The following HDAC11 variants were observed in gnomAD, a reference collection of about 807,000 sequenced individuals.
The protein encoded by HDAC11 is histone deacetylase 11.
A neutral mutation model predicts 41.1 loss-of-function variants in HDAC11; 23 were observed. The observed-to-expected ratio is 0.56, with a 90% CI of 0.40 to 0.79. HDAC11 has a LOEUF of 0.79. Ranked by LOEUF, HDAC11 falls within the 30% of genes least tolerant of loss-of-function variation. The pLI is 0.00. For synonymous variants in HDAC11, 187 were observed against 186.6 expected (o/e 1.00, Z -0.02); for missense variants, 402 against 477.3 (o/e 0.84, Z 1.47).
At chr3:13,501,139 G>A (rs1702344956) in intron 6 of HDAC11, among the ~76,000 whole-genome samples, 1 of 152,240 alleles carries the variant, frequency 6.6e-6, no homozygotes, top group African/African-American at 2.4e-5. Flanking sequence ...TGATGGTGCT[G>A]ATAGCACCTG....
chr3:13,481,515 T>C, intron 2 of HDAC11, 121 bp downstream of exon 2: 1 of 1,108,426 alleles, frequency 9.0e-7, no homozygotes, highest in South Asian at 1.5e-5. Context: ...TCGGATGGCC[T>C]TCCACCCATG....
At chr3:13,484,711 CTCA>C (rs1416242727) in intron 3 of HDAC11, among the ~76,000 whole-genome samples, 1 of 152,160 alleles carries the variant, frequency 6.6e-6, no homozygotes, top group African/African-American at 2.4e-5. Context: ...TAATGTGGCA[CTCA>C]TTATAAGATT....
chr3:13,488,218 C>G (rs1481730362), intron 3 of HDAC11, among the ~76,000 whole-genome samples: 2 of 151,942 alleles, frequency 1.3e-5, no homozygotes, highest in African/African-American at 4.8e-5. Flanking sequence ...CTCTTCTCTT[C>G]CCTGAGGGGC....
At chr3:13,494,532 G>A (rs1702006221) in intron 3 of HDAC11, among the ~76,000 whole-genome samples, 2 of 152,122 alleles carry the variant, frequency 1.3e-5, no homozygotes, top group African/African-American at 4.8e-5. Flanking sequence ...TCCTGCAGCT[G>A]TCTGGCTGTG....
At chr3:13,483,604 A>T in intron 3 of HDAC11, 40 bp downstream of exon 3, 1 of 1,402,918 alleles carries the variant, frequency 7.1e-7, no homozygotes. Context: ...GGCCTGGGGC[A>T]GGGGGCTGCT....
intron 3 of HDAC11, among the ~76,000 whole-genome samples, chr3:13,486,576 T>G (rs1179778852): frequency 1.3e-4 from 10 of 79,814 alleles, no homozygotes; most frequent in African/African-American, 3.9e-4. Flanking sequence ...GAGGTGTTTT[T>G]TTTTTTTTTT....
chr3:13,498,562 G>A lies in HDAC11; in HGVS notation c.412+7G>A. 6.2e-7 allele frequency: 1 copy of A among 1,613,982 alleles called. No individual in the cohort carries two copies. Among genetic ancestry groups the A allele is most frequent in the South Asian group, 1.1e-5 (1 of 91,064 alleles). On this transcript the variant is annotated splice_region_variant and intron_variant, in intron 5 of 9. Transcript: ENST00000295757. The stretch of plus-strand genomic sequence containing the variant: ...GGCTGGGCCATCAACGTGGGTGAGT[G>A]CTGGGAATGTCCTCGGGAATGTCCA...
At chr3:13,501,377 A>T (rs1702358178) in intron 6 of HDAC11, among the ~76,000 whole-genome samples, 1 of 152,208 alleles carries the variant, frequency 6.6e-6, no homozygotes, top group Non-Finnish European at 1.5e-5. Context: ...CTCATGGGGC[A>T]CATAGACTGA....
Position 13,481,882 on chromosome 3 carries a change from T to G in HDAC11, c.151+488T>G, listed in dbSNP as rs1701337829. Among the ~76,000 whole-genome samples, 2 of 152,174 alleles carry G rather than the reference T, an allele frequency of 1.3e-5. 1 individual carries two copies. Among genetic ancestry groups the G allele is most frequent in the South Asian group, 4.1e-4 (2 of 4,836 alleles). On this transcript the variant is annotated intron_variant, in intron 2 of 9. Transcript: ENST00000295757. ...GCAGCAGAGGCTCAGGAGCTCACTG[T>G]AACCTCCGCCTTTCAGGTTCAAACA...
intron 3 of HDAC11, among the ~76,000 whole-genome samples, chr3:13,490,194 A>G (rs1300336705): frequency 6.6e-6 from 1 of 151,932 alleles, no homozygotes; most frequent in African/African-American, 2.4e-5. Context: ...AGGTCTCACC[A>G]TGTTGGTCAG....
At chr3:13,488,021 G>A (rs1344811223) in intron 3 of HDAC11, among the ~76,000 whole-genome samples, 2 of 151,430 alleles carry the variant, frequency 1.3e-5, no homozygotes, top group African/African-American at 2.4e-5. Context: ...AGTGGGTGAT[G>A]TGGTCATCTG....
At chr3:13,500,197 C>T (rs1283407963) in intron 5 of HDAC11, among the ~76,000 whole-genome samples, 2 of 152,114 alleles carry the variant, frequency 1.3e-5, no homozygotes, top group Non-Finnish European at 2.9e-5. Flanking sequence ...ATCCCAGGGG[C>T]TGCAGGGGAG....
At chr3:13,483,394 T>G in intron 2 of HDAC11, 70 bp from the exon 3 acceptor site, 6 of 1,299,504 alleles carry the variant, frequency 4.6e-6, no homozygotes, top group South Asian at 1.2e-5. Flanking sequence ...CTGCAGCCTG[T>G]GGGAGGGTCT....
intron 3 of HDAC11, among the ~76,000 whole-genome samples, chr3:13,491,380 T>C (rs1202356084): frequency 6.6e-6 from 1 of 152,036 alleles, no homozygotes; most frequent in East Asian, 1.9e-4. Flanking sequence ...GGAGTTCCCT[T>C]CTGTTCCTAG....
chr3:13,490,744 CTTTTT>C (rs59531656), intron 3 of HDAC11, among the ~76,000 whole-genome samples: 4 of 41,402 alleles, frequency 9.7e-5, no homozygotes, highest in African/African-American at 3.1e-4. Flanking sequence ...GCATTTTTTT[CTTTTT>C]TTTTTTTTTT....
Position 13,504,713 on chromosome 3 carries a change from T to C in HDAC11, c.*30T>C, listed in dbSNP as rs2125013242. ...TGCTGCCCTGCCTGTCACGTGGCCC[T>C]GCCTATCCGCCCCTTAGTGCTTTTT... On this transcript the variant is annotated 3_prime_UTR_variant, in exon 10 of 10. Transcript: ENST00000295757. 2 of 1,583,014 alleles carry C rather than the reference T, an allele frequency of 1.3e-6. No individual in the cohort carries two copies. Among genetic ancestry groups the C allele is most frequent in the Non-Finnish European group, 8.7e-7 (1 of 1,152,760 alleles).
At chr3:13,501,569 G>T in intron 6 of HDAC11, 1 of 627,322 alleles carries the variant, frequency 1.6e-6, no homozygotes. Context: ...CATTTCCTAG[G>T]GAATCTGGGA....
At chr3:13,487,391 C>A (rs1408560166) in intron 3 of HDAC11, among the ~76,000 whole-genome samples, 1 of 152,212 alleles carries the variant, frequency 6.6e-6, no homozygotes, top group Non-Finnish European at 1.5e-5. Flanking sequence ...CTACCCCCAA[C>A]CCCTGCCTGG....
intron 4 of HDAC11, 99 bp from the exon 5 acceptor site, chr3:13,498,414 G>C: frequency 6.9e-7 from 1 of 1,451,846 alleles, no homozygotes. Context: ...CCCCAGAGCT[G>C]GCTAGAAGCA....
Sources: gnomAD v4.1 joint callset for allele counts (sites outside exome capture counted in the v4.1 genomes callset) on GRCh38, gnomAD v4.1.1 for gene constraint, MANE v1.5 for transcripts, NCBI Gene and HGNC (gene_info 2026-07-23, HGNC 2026-07-21) for gene names.